Variants in ODAD2 observed in about 807,000 individuals in gnomAD.
The protein encoded by ODAD2 is outer dynein arm-docking complex subunit 2.
A neutral mutation model predicts 106.8 loss-of-function variants in ODAD2; 89 were observed. The ratio of observed to expected loss-of-function variants is 0.83; its 90% CI spans 0.70 to 0.99. The LOEUF (loss-of-function observed/expected upper bound fraction) is 0.99, where lower values mean the gene tolerates loss of function less well. ODAD2 is among the 50% of genes least tolerant of loss of function. The pLI, the probability that ODAD2 is intolerant of heterozygous loss-of-function variation, is 0.00. For synonymous variants in ODAD2, 404 were observed against 436.2 expected, an observed-to-expected ratio of 0.93 and a Z score of 0.92; for missense variants, 1,168 against 1,238.5, an observed-to-expected ratio of 0.94 and a Z score of 0.85.
At chr10:27,991,501 T>G (rs1276073057) in intron 2 of ODAD2, among the ~76,000 whole-genome samples, 1 of 152,190 alleles carries the variant, frequency 6.6e-6, no homozygotes, top group Non-Finnish European at 1.5e-5. Context: ...AGAAAAAGGA[T>G]GATCAAACTT....
chr10:27,838,688 C>G (rs1838084881), intron 19 of ODAD2, among the ~76,000 whole-genome samples: 1 of 152,196 alleles, frequency 6.6e-6, no homozygotes, highest in African/African-American at 2.4e-5. Flanking sequence ...TTTTGGCACA[C>G]TGATTGAATT....
rs1413252223 is a variant in ODAD2, at chr10:27,985,092, T to C, written c.502A>G (p.Lys168Glu). Residue 168 changes from lysine (K) to glutamate (E), a missense_variant, in exon 4 of 20, where the codon AAG (lysine) becomes GAG (glutamate). By Grantham distance (56) the Lys-to-Glu change is moderately conservative. Transcript: ENST00000305242. Reference protein sequence around the residue: ...TRDDDPESEIKMKIAMLLKQL... With the variant: ...TRDDDPESEIEMKIAMLLKQL... ...TTAAGCAGCATAGCAATCTTCATCTTAATTTCACTTTCAGGATCATCATCT... is the reference window on the plus strand; with the variant it reads ...TTAAGCAGCATAGCAATCTTCATCTCAATTTCACTTTCAGGATCATCATCT... 6 of 1,607,008 alleles carry C rather than the reference T, an allele frequency of 3.7e-6. No homozygotes were observed. The highest frequency in any genetic ancestry group is 5.1e-6 in the Non-Finnish European group (6 of 1,176,906).
At chr10:27,867,933 A>G (rs1840565885) in intron 17 of ODAD2, among the ~76,000 whole-genome samples, 1 of 151,936 alleles carries the variant, frequency 6.6e-6, no homozygotes, top group African/African-American at 2.4e-5. Context: ...TGGGTGACAG[A>G]GCAAAACTCT....
chr10:27,887,473 A>C (rs1396914176), intron 17 of ODAD2, among the ~76,000 whole-genome samples: 3 of 151,990 alleles, frequency 2.0e-5, no homozygotes, highest in Non-Finnish European at 4.4e-5. Context: ...CTATAGACCA[A>C]CTGTACCTAA....
chr10:27,915,229 G>A (rs946725376), intron 16 of ODAD2, among the ~76,000 whole-genome samples: 27 of 152,040 alleles, frequency 1.8e-4, no homozygotes, highest in African/African-American at 5.6e-4. Flanking sequence ...AAATGCATAC[G>A]TCTTAGTCCC....
At chr10:27,913,809 C>A (rs535211719) in intron 16 of ODAD2, among the ~76,000 whole-genome samples, 13 of 152,166 alleles carry the variant, frequency 8.5e-5, no homozygotes, top group Non-Finnish European at 2.9e-5. Context: ...GTCGGAATGG[C>A]TATTATGAAA....
chr10:27,974,689 GT>G (rs397699788), intron 7 of ODAD2, among the ~76,000 whole-genome samples: 60 of 128,364 alleles, frequency 4.7e-4, no homozygotes, highest in Non-Finnish European at 5.5e-4. Context: ...GTCTGTTTTT[GT>G]TTTTTTTTTT....
intron 17 of ODAD2, among the ~76,000 whole-genome samples, chr10:27,880,675 T>C (rs1589902809): frequency 1.3e-5 from 2 of 152,186 alleles, no homozygotes; most frequent in Non-Finnish European, 1.5e-5. Context: ...CATTCTGCCA[T>C]GTGAGGACAC....
chr10:27,841,713 C>A (rs899572149), intron 19 of ODAD2, among the ~76,000 whole-genome samples: 2 of 151,994 alleles, frequency 1.3e-5, no homozygotes, highest in African/African-American at 2.4e-5. Context: ...TCCAGTCTTT[C>A]TGATCCTGTC....
intron 19 of ODAD2, among the ~76,000 whole-genome samples, chr10:27,814,790 AC>A (rs1836003008): frequency 6.6e-6 from 1 of 152,180 alleles, no homozygotes; most frequent in Non-Finnish European, 1.5e-5. Context: ...CTCCAGGAAA[AC>A]CATAACTGTC....
intron 17 of ODAD2, among the ~76,000 whole-genome samples, chr10:27,891,165 G>C (rs1842536182): frequency 1.3e-5 from 2 of 152,096 alleles, no homozygotes; most frequent in African/African-American, 4.8e-5. Context: ...TGTCCTGTTT[G>C]ATCAGCTGTG....
intron 14 of ODAD2, among the ~76,000 whole-genome samples, chr10:27,939,533 G>GA: frequency 6.6e-6 from 1 of 152,028 alleles, no homozygotes; most frequent in East Asian, 1.9e-4. Flanking sequence ...CTGGGCAACA[G>GA]AAAAAATAAA....
Position 27,993,982 on chromosome 10 carries a change from G to A in ODAD2, c.224+937C>T, listed in dbSNP as rs1274748843. Among the ~76,000 whole-genome samples the A allele has an allele frequency of 8.9e-4, 130 of 146,548 alleles. 2 individuals are homozygous for A. The East Asian group carries it at 0.02, about 22-fold the overall frequency. On this transcript the variant is annotated intron_variant, in intron 2 of 19. Transcript: ENST00000305242. Reference sequence around the variant, plus strand: ...CAAATATATATATATATATGTGTGTGTGTGTGTGTGTGTGTGTGTGTGTGT... The same window carrying A: ...CAAATATATATATATATATGTGTGTATGTGTGTGTGTGTGTGTGTGTGTGT...
At chr10:27,865,275 T>G (rs533773658) in intron 17 of ODAD2, among the ~76,000 whole-genome samples, 1 of 152,306 alleles carries the variant, frequency 6.6e-6, no homozygotes, top group African/African-American at 2.4e-5. Flanking sequence ...ATTCATTAAG[T>G]CTGGGTGAGG....
intron 19 of ODAD2, among the ~76,000 whole-genome samples, chr10:27,848,128 A>C (rs966998581): frequency 1.3e-5 from 2 of 152,208 alleles, no homozygotes; most frequent in East Asian, 3.9e-4. Flanking sequence ...ATCCTAAGCC[A>C]AAAGAACAAA....
chr10:27,901,422 C>A (rs1409631545), intron 17 of ODAD2, among the ~76,000 whole-genome samples: 1 of 152,134 alleles, frequency 6.6e-6, no homozygotes, highest in Non-Finnish European at 1.5e-5. Flanking sequence ...GCAAAATAAC[C>A]AGCTAGCATC....
At chr10:27,866,643 C>A (rs1330476931) in intron 17 of ODAD2, among the ~76,000 whole-genome samples, 5 of 152,104 alleles carry the variant, frequency 3.3e-5, no homozygotes, top group Admixed American at 2.6e-4. Flanking sequence ...CAGGAAGCTT[C>A]CACTCATGGT....
intron 12 of ODAD2, among the ~76,000 whole-genome samples, chr10:27,941,994 G>A (rs1293064324): frequency 3.9e-5 from 6 of 152,202 alleles, no homozygotes; most frequent in African/African-American, 1.4e-4. Context: ...TATGGCCCCA[G>A]GAAAGACGGG....
intron 2 of ODAD2, among the ~76,000 whole-genome samples, chr10:27,994,116 T>C (rs1002698435): frequency 2.0e-5 from 3 of 152,088 alleles, no homozygotes; most frequent in Admixed American, 6.6e-5. Context: ...TGTGTGTATA[T>C]ATATATTTTA....
Sources: gnomAD v4.1 joint callset for allele counts (sites outside exome capture counted in the v4.1 genomes callset) on GRCh38, gnomAD v4.1.1 for gene constraint, MANE v1.5 for transcripts, NCBI Gene and HGNC (gene_info 2026-07-23, HGNC 2026-07-21) for gene names.